The following PALLD variants were observed in gnomAD, a reference collection of about 807,000 sequenced individuals.
The protein encoded by PALLD is palladin, cytoskeletal associated protein.
In PALLD, 61 loss-of-function variants were observed where a neutral mutation model predicts 123.5. The observed-to-expected ratio is 0.49, with a 90% CI of 0.40 to 0.61. PALLD has a LOEUF of 0.61. Among genes scored for constraint, PALLD ranks in the 20% least tolerant of loss-of-function variants. The pLI, the probability that PALLD is intolerant of heterozygous loss-of-function variation, is 0.00. For missense variants in PALLD, 1,273 were observed against 1,377.0 expected (o/e 0.92, Z 1.20); for synonymous variants, 465 against 496.4 (o/e 0.94, Z 0.84).
At chr4:168,838,380 T>C (rs1745498308) in intron 10 of PALLD, among the ~76,000 whole-genome samples, 1 of 151,792 alleles carries the variant, frequency 6.6e-6, no homozygotes, top group Admixed American at 6.6e-5. Context: ...GAAGGAGCAA[T>C]GGAAGCTCGT....
intron 10 of PALLD, among the ~76,000 whole-genome samples, chr4:168,835,222 G>A (rs571988301): frequency 6.6e-6 from 1 of 152,270 alleles, no homozygotes; most frequent in East Asian, 1.9e-4. Flanking sequence ...AAGAGATCCG[G>A]ATAAACTCTG....
chr4:168,624,239 C>T (rs28458841), intron 2 of PALLD, among the ~76,000 whole-genome samples: 9 of 151,700 alleles, frequency 5.9e-5, no homozygotes, highest in East Asian at 1.9e-4. Flanking sequence ...ATTACCATGA[C>T]GAAATGGAGC....
At chr4:168,547,958 A>C (rs1766328369) in intron 2 of PALLD, among the ~76,000 whole-genome samples, 1 of 150,916 alleles carries the variant, frequency 6.6e-6, no homozygotes, top group Non-Finnish European at 1.5e-5. Context: ...AAAAAAAAAA[A>C]AAAAAAAACC....
chr4:168,549,503 A>AT (rs1766508532), intron 2 of PALLD, among the ~76,000 whole-genome samples: 1 of 152,110 alleles, frequency 6.6e-6, no homozygotes. Context: ...CAATTAATTT[A>AT]TTTTTTCCAT....
intron 10 of PALLD, among the ~76,000 whole-genome samples, chr4:168,845,749 CTT>C (rs1040872031): frequency 8.5e-5 from 13 of 152,238 alleles, no homozygotes; most frequent in Middle Eastern, 3.4e-3. Context: ...AAAAGGAAGA[CTT>C]ATACATACAA....
Position 168,606,663 on chromosome 4 carries a change from C to CAA in PALLD, c.909-61507_909-61506dup, listed in dbSNP as rs70961540. ...TGGGGGACAGAGCGAGACTCCGTCT[C>CAA]AAAAAAAAAAAAAAAAAAAAAGATC... On this transcript the variant is annotated intron_variant, in intron 2 of 21. Transcript: ENST00000505667. Among the ~76,000 whole-genome samples, 666 of 92,008 alleles carry CAA rather than the reference C, an allele frequency of 7.2e-3. 10 individuals are homozygous for CAA. The highest frequency in any genetic ancestry group is 0.026 in the African/African-American group (605 of 23,576). 60.4% of individuals were successfully genotyped at this position (92,008 alleles called of 152,430 possible).
At chr4:168,617,519 C>T (rs1054189967) in intron 2 of PALLD, among the ~76,000 whole-genome samples, 16 of 151,986 alleles carry the variant, frequency 1.1e-4, no homozygotes, top group Non-Finnish European at 2.2e-4. Flanking sequence ...GCCAGTCAAG[C>T]AGTAGGAAGA....
Position 168,915,892 on chromosome 4 carries a change from A to C in PALLD, c.2718-3A>C, listed in dbSNP as rs1418527331. On this transcript the variant is annotated splice_polypyrimidine_tract_variant and splice_region_variant and intron_variant, in intron 16 of 21. Coordinates refer to ENST00000505667, the MANE Select transcript of PALLD (RefSeq NM_001166108.2). Reference sequence around the variant, plus strand: ...ATCTATCTGTCATCTTTCTTGTTTCAAGGCCTCGTTCTAGATCAAGGGACA... The same window carrying C: ...ATCTATCTGTCATCTTTCTTGTTTCCAGGCCTCGTTCTAGATCAAGGGACA... The C allele has an allele frequency of 6.2e-7, 1 of 1,611,242 alleles. No homozygotes were observed. Among genetic ancestry groups the C allele is most frequent in the Non-Finnish European group, 8.5e-7 (1 of 1,177,512 alleles).
chr4:168,924,522 A>G (rs1762198619), intron 19 of PALLD, 102 bp downstream of exon 19: 1 of 1,154,186 alleles, frequency 8.7e-7, no homozygotes, highest in Non-Finnish European at 1.3e-6. Context: ...TAAAAGCCAC[A>G]TAGATGTTTT....
chr4:168,572,444 C>CTA (rs1427926882), intron 2 of PALLD, among the ~76,000 whole-genome samples: 1 of 152,118 alleles, frequency 6.6e-6, no homozygotes, highest in Non-Finnish European at 1.5e-5. Context: ...GGCCAAGATT[C>CTA]TAACTGCTTT....
rs1457042275 is a variant in PALLD at position 168,807,798 on chromosome 4, C to T, written c.1965-83124C>T. ...TCAGCTCACTGCAACTTCTGCCTGG[C>T]AGGTTCAAGTGATTCTCCTGCCTCA... On this transcript the variant is annotated intron_variant, in intron 10 of 21. Transcript: ENST00000505667. 4.6e-5 allele frequency among the ~76,000 whole-genome samples: 7 copies of T among 151,902 alleles called. No individual in the cohort carries two copies. In the East Asian group the frequency reaches 7.7e-4, roughly 17 times the overall value.
intron 2 of PALLD, among the ~76,000 whole-genome samples, chr4:168,579,326 T>G (rs1769983619): frequency 1.3e-5 from 2 of 152,196 alleles, no homozygotes; most frequent in African/African-American, 2.4e-5. Flanking sequence ...AATGTCATAT[T>G]GAAGCATGCC....
At position 168,587,006 on chromosome 4, in the gene PALLD, C is replaced by T. The variant is rs191037726; in HGVS notation, c.908+74594C>T. ...GCGCTTCTGCTCAGAAGACATTTGT[C>T]AATGCCTAGAGACATTTCGGTTGTC... On this transcript the variant is annotated intron_variant, in intron 2 of 21. Transcript: ENST00000505667. Among the ~76,000 whole-genome samples the T allele has an allele frequency of 2.5e-3, 376 of 152,250 alleles. 1 individual carries two copies. The highest frequency in any genetic ancestry group is 4.5e-3 in the Non-Finnish European group (308 of 68,010).
chr4:168,523,574 A>T (rs1328097100), intron 2 of PALLD, among the ~76,000 whole-genome samples: 3 of 151,880 alleles, frequency 2.0e-5, no homozygotes, highest in African/African-American at 2.4e-5. Flanking sequence ...ATGGACCAGC[A>T]TGGGCCCAGC....
At chr4:168,770,708 A>G (rs1734279168) in intron 10 of PALLD, among the ~76,000 whole-genome samples, 1 of 151,840 alleles carries the variant, frequency 6.6e-6, no homozygotes, top group Non-Finnish European at 1.5e-5. Flanking sequence ...TGTTTCCTAT[A>G]CACTTCAGAG....
chr4:168,738,802 A>T (rs888882893), intron 10 of PALLD, among the ~76,000 whole-genome samples: 10 of 150,966 alleles, frequency 6.6e-5, no homozygotes, highest in Non-Finnish European at 2.9e-5. Context: ...TCATTATCTT[A>T]CTCTTTTTTT....
chr4:168,614,545 T>C (rs1396466724), intron 2 of PALLD, among the ~76,000 whole-genome samples: 2 of 152,200 alleles, frequency 1.3e-5, no homozygotes, highest in Non-Finnish European at 2.9e-5. Flanking sequence ...TAAAAAAAAA[T>C]ACTTTGTAAG....
intron 6 of PALLD, among the ~76,000 whole-genome samples, chr4:168,686,421 C>T (rs942364252): frequency 1.1e-4 from 17 of 152,118 alleles, no homozygotes; most frequent in African/African-American, 1.9e-4. Flanking sequence ...GTTCCCCTCC[C>T]GGTGTCCATG....
chr4:168,681,852 C>T (rs1284285752), intron 4 of PALLD, among the ~76,000 whole-genome samples: 5 of 152,072 alleles, frequency 3.3e-5, no homozygotes, highest in South Asian at 4.2e-4. Flanking sequence ...ATGTCCAGCC[C>T]GAACACAATT....
Sources: gnomAD v4.1 joint callset for allele counts (sites outside exome capture counted in the v4.1 genomes callset) on GRCh38, gnomAD v4.1.1 for gene constraint, MANE v1.5 for transcripts, NCBI Gene and HGNC (gene_info 2026-07-23, HGNC 2026-07-21) for gene names.